TMEM184A: variants seen among roughly 807,000 people sequenced by gnomAD.
TMEM184A encodes sexually dimorphic, expressed in male gonads 1.
In TMEM184A, 40 loss-of-function variants were observed where a neutral mutation model predicts 39.5. The observed-to-expected ratio is 1.01, with a 90% CI of 0.79 to 1.32. The LOEUF (loss-of-function observed/expected upper bound fraction) is 1.32. Among genes scored for constraint, TMEM184A ranks in the 40% most tolerant of loss-of-function variants. The pLI, the probability that TMEM184A is intolerant of heterozygous loss-of-function variation, is 0.00. For synonymous variants in TMEM184A, 280 were observed against 252.3 expected, an observed-to-expected ratio of 1.11 and a Z score of -1.04; for missense variants, 603 against 568.8, an observed-to-expected ratio of 1.06 and a Z score of -0.61.
rs750616331 is a variant in TMEM184A, at chr7:1,551,030, T to C, written c.220-48A>G. The C allele has an allele frequency of 3.4e-6, 5 of 1,484,290 alleles. No individual in the cohort carries two copies. The South Asian group carries it at 4.8e-5, about 14-fold the overall frequency. The allele number at this position is 1,484,290 out of a possible 1,614,324, so 91.9% of individuals were successfully genotyped here. A position where few individuals can be genotyped will look rare whatever the true frequency, so the allele number is the denominator to read the frequency against. On this transcript the variant is annotated intron_variant, in intron 2 of 8. Transcript: ENST00000297477. ...GAGAGCCGGGCCCGCCTGGTACCCC[T>C]GGACCAGCCCAGGTGAGCCGGGAAG...
In TMEM184A at chr7:1,548,530, G is replaced by A. The variant is rs368421994; in HGVS notation, c.803C>T (p.Ser268Leu). 1.7e-5 allele frequency: 28 copies of A among 1,612,830 alleles called. No homozygotes were observed. The highest frequency in any genetic ancestry group is 2.1e-5 in the Non-Finnish European group (25 of 1,179,562). Residue 268 changes from serine (S) to leucine (L), a missense_variant, in exon 7 of 9, where the codon TCG (serine) becomes TTG (leucine). Physicochemically the swap from Ser to Leu is moderately radical, Grantham distance 145. Transcript: ENST00000297477. ...CCTGCCCCACACACCTTGCCAGAAC[G>A]ACAGGAAGATGACGGCTTTGATGGT... Reference protein sequence around the residue: ...FLTIKAVIFLSFWQGLLLAIL... With the variant: ...FLTIKAVIFLLFWQGLLLAIL...
At chr7:1,547,262 G>T (rs565498754) in intron 8 of TMEM184A, 81 bp from the exon 9 acceptor site, 5 of 805,140 alleles carry the variant, frequency 6.2e-6, no homozygotes, top group Admixed American at 2.5e-5. Flanking sequence ...GGATGCCCAG[G>T]GCTGTAGCTC....
At position 1,555,345 on chromosome 7, in the gene TMEM184A, CA is replaced by C. The variant is rs764379976; in HGVS notation, c.139del (p.Trp47GlyfsTer90). 1 of 1,610,402 alleles carries C rather than the reference CA, an allele frequency of 6.2e-7. No individual in the cohort carries two copies. The highest frequency in any genetic ancestry group is 8.5e-7 in the Non-Finnish European group (1 of 1,178,806). ...GGCCAGTGCGGAGGTGAGGAAGAGCCAGGGGGCCCCCTGGGAGCTGTTCCCC... is the reference window on the plus strand; with the variant it reads ...GGCCAGTGCGGAGGTGAGGAAGAGCCGGGGGCCCCCTGGGAGCTGTTCCCC... ...HMGNSSQGAP[W>X]LFLTSALARG... On this transcript the variant is annotated frameshift_variant, in exon 2 of 9. Coordinates refer to ENST00000297477, the MANE Select transcript of TMEM184A (RefSeq NM_001097620.2). LOFTEE classifies it high-confidence loss of function. The surrounding 1 kb of genome is among the most constrained non-coding windows in gnomAD (Gnocchi z 5.2).
intron 6 of TMEM184A, chr7:1,548,969 G>A (rs1784467174): frequency 3.3e-6 from 2 of 610,574 alleles, no homozygotes; most frequent in African/African-American, 3.6e-5. Context: ...CCACTGCTCA[G>A]GCAGCATCCA....
rs376195141 is a variant in TMEM184A at position 1,555,624 on chromosome 7, C to G, written c.1-140G>C. 1.4e-6 allele frequency: 1 copy of G among 699,218 alleles called. No homozygotes were observed. The allele number at this position is 699,218 out of a possible 1,614,324, so 43.3% of individuals were successfully genotyped here. A position where few individuals can be genotyped will look rare whatever the true frequency, so the allele number is the denominator to read the frequency against. On this transcript the variant is annotated intron_variant, in intron 1 of 8. Transcript: ENST00000297477. This position sits in a 1 kb window ranked among gnomAD's most constrained non-coding sequence, Gnocchi z 5.2. ...CACCCACCAGGCCGCACCCCCCACA[C>G]GGACACCAGCGCCAGGCCCGGCTCC...
Position 1,550,414 on chromosome 7 carries a change from G to A in TMEM184A, c.386-19C>T, listed in dbSNP as rs369268273. ...ACAAAGGCTGCAGGGAGCACAGAGGGGGACCGGCTGTGAGCCCTGAGCTGC... is the reference window on the plus strand; with the variant it reads ...ACAAAGGCTGCAGGGAGCACAGAGGAGGACCGGCTGTGAGCCCTGAGCTGC... On this transcript the variant is annotated intron_variant, in intron 3 of 8. Coordinates refer to ENST00000297477, the MANE Select transcript of TMEM184A (RefSeq NM_001097620.2). The A allele has an allele frequency of 8.1e-6, 13 of 1,599,386 alleles. No individual in the cohort carries two copies. In the African/African-American group the frequency reaches 1.3e-4, roughly 16 times the overall value.
In TMEM184A at chr7:1,555,179, G is replaced by T; in HGVS notation, c.219+87C>A. 1 of 1,141,862 alleles carries T rather than the reference G, an allele frequency of 8.8e-7. No homozygotes were observed. The highest frequency in any genetic ancestry group is 1.2e-6 in the Non-Finnish European group (1 of 818,778). 70.7% of individuals were successfully genotyped at this position (1,141,862 alleles called of 1,614,324 possible). ...CCCACTTCTGACAGCGTCTATAGCA[G>T]CGGCACCCAGGGGGACCGGGCTGAG... On this transcript the variant is annotated intron_variant, in intron 2 of 8. Transcript: ENST00000297477. This position sits in a 1 kb window ranked among gnomAD's most constrained non-coding sequence, Gnocchi z 5.2.
At chr7:1,548,027 C>G in intron 7 of TMEM184A, 88 bp from the exon 8 acceptor site, 1 of 1,418,540 alleles carries the variant, frequency 7.0e-7, no homozygotes, top group Non-Finnish European at 9.5e-7. Flanking sequence ...GCTCCTCTGA[C>G]GGGTGCTGTG....
Position 1,547,035 on chromosome 7 carries a change from T to G in TMEM184A, c.1159A>C (p.Thr387Pro), listed in dbSNP as rs766773408. 1 of 1,561,774 alleles carries G rather than the reference T, an allele frequency of 6.4e-7. No homozygotes were observed. Among genetic ancestry groups the G allele is most frequent in the Non-Finnish European group, 8.7e-7 (1 of 1,146,136 alleles). ...QATHEAPRPG[T>P]HPSGGSGGSR... ...CCGCCGGAGCCGCCGCTGGGGTGGG[T>G]GCCGGGCCTGGGCGCCTCGTGCGTG... Residue 387 changes from threonine to proline, a missense_variant, in exon 9 of 9, where the codon ACC (threonine) becomes CCC (proline). Physicochemically the swap from Thr to Pro is conservative, Grantham distance 38. Coordinates refer to ENST00000297477, the MANE Select transcript of TMEM184A (RefSeq NM_001097620.2).
Position 1,546,268 on chromosome 7 carries a change from C to T in TMEM184A, c.*684G>A, listed in dbSNP as rs1401360942. The T allele has an allele frequency of 1.3e-5, 2 of 152,680 alleles. No individual in the cohort carries two copies. Among genetic ancestry groups the T allele is most frequent in the African/African-American group, 2.4e-5 (1 of 41,460 alleles). The allele number at this position is 152,680 out of a possible 1,614,324, so 9.5% of individuals were successfully genotyped here. A position where few individuals can be genotyped will look rare whatever the true frequency, so the allele number is the denominator to read the frequency against. On this transcript the variant is annotated 3_prime_UTR_variant, in exon 9 of 9. Coordinates refer to ENST00000297477, the MANE Select transcript of TMEM184A (RefSeq NM_001097620.2). ...TTTAAATATAAATAAGAGCGATTCC[C>T]ACAGCCCCACGGTGCTGGCCAGCCT... is the stretch of plus-strand genomic sequence containing the variant.
rs567486187 is a variant in TMEM184A, at chr7:1,548,063, C to T, written c.815-124G>A. The T allele has an allele frequency of 2.6e-3, 2,868 of 1,100,478 alleles. 13 individuals are homozygous for T. Among genetic ancestry groups the T allele is most frequent in the Non-Finnish European group, 3.3e-3 (2,558 of 781,538 alleles). The allele number at this position is 1,100,478 out of a possible 1,614,324, so 68.2% of individuals were successfully genotyped here. On this transcript the variant is annotated intron_variant, in intron 7 of 8. Transcript: ENST00000297477. ...ACCCCGTCCGTGTAGTCTCGTCCCA[C>T]CCCAGGAGACTGAGGTTCAGGGGGG... is the stretch of plus-strand genomic sequence containing the variant.
Position 1,555,377 on chromosome 7 carries a change from G to T in TMEM184A, c.108C>A (p.Asp36Glu). The T allele has an allele frequency of 6.2e-7, 1 of 1,611,892 alleles. No homozygotes were observed. Among genetic ancestry groups the T allele is most frequent in the South Asian group, 1.1e-5 (1 of 91,008 alleles). ...PPAVPAGPQM[D>E]HMGNSSQGAP... is the part of the protein sequence containing the mutation. ...CCCCCTGGGAGCTGTTCCCCATGTG[G>T]TCCATCTGCGGCCCAGCTGGCACAG... Residue 36 changes from aspartate (D) to glutamate (E), a missense_variant, in exon 2 of 9, where the codon GAC (aspartate) becomes GAA (glutamate). Physicochemically the swap from Asp to Glu is conservative, Grantham distance 45 (BLOSUM62 2). Transcript: ENST00000297477. The surrounding 1 kb of genome is among the most constrained non-coding windows in gnomAD (Gnocchi z 5.2).
At position 1,548,579 on chromosome 7, in the gene TMEM184A, A is replaced by G. The variant is rs199700956; in HGVS notation, c.754T>C (p.Phe252Leu). 3.4e-5 allele frequency: 55 copies of G among 1,613,848 alleles called. No individual in the cohort carries two copies. In the Admixed American group the frequency reaches 8.7e-4, roughly 25 times the overall value. Reference sequence around the variant, plus strand: ...GTGAGGAACTTGAGGACGGGCTGGAAGGGCCGCAGGAGCTCCCTGGTGGTG... The same window carrying G: ...GTGAGGAACTTGAGGACGGGCTGGAGGGGCCGCAGGAGCTCCCTGGTGGTG... The part of the protein sequence containing the change: ...YFTTRELLRP[F>L]QPVLKFLTIK... The change falls in exon 7 of 9, where the codon TTC becomes CTC. Residue 252 changes from phenylalanine to leucine, a missense_variant. Transcript: ENST00000297477.
At chr7:1,554,839 C>T (rs1251496097) in intron 2 of TMEM184A, among the ~76,000 whole-genome samples, 1 of 152,178 alleles carries the variant, frequency 6.6e-6, no homozygotes, top group South Asian at 2.1e-4. Flanking sequence ...CCCTACAGAG[C>T]AAAGTCCAAC....
In TMEM184A at chr7:1,547,086, C is replaced by T. The variant is rs376573558; in HGVS notation, c.1108G>A (p.Ala370Thr). ...VQDAIHNFSPAYQHYTQQATH... is the reference protein window; with the variant it reads ...VQDAIHNFSPTYQHYTQQATH... ...GCCTGCTGCGTGTAGTGCTGGTAGG[C>T]GGGGGAGAAGTTGTGGATGGCGTCC... is the stretch of plus-strand genomic sequence containing the variant. The change falls in exon 9 of 9, where the codon GCC (alanine) becomes ACC (threonine). Residue 370 changes from alanine (A) to threonine (T), a missense_variant. Ala to Thr is a moderately conservative substitution (Grantham distance 58). Coordinates refer to ENST00000297477, the MANE Select transcript of TMEM184A (RefSeq NM_001097620.2). The T allele has an allele frequency of 4.6e-5, 74 of 1,610,120 alleles. No homozygotes were observed. The highest frequency in any genetic ancestry group is 5.6e-5 in the Non-Finnish European group (66 of 1,179,680).
chr7:1,547,637 C>T, intron 8 of TMEM184A, 105 bp downstream of exon 8: 1 of 1,261,504 alleles, frequency 7.9e-7, no homozygotes, highest in Non-Finnish European at 1.1e-6. Flanking sequence ...GTCTCCCTGC[C>T]CAGCGAGCTG....
chr7:1,553,413 A>G (rs376170183), intron 2 of TMEM184A, among the ~76,000 whole-genome samples: 8 of 152,260 alleles, frequency 5.3e-5, no homozygotes, highest in African/African-American at 1.9e-4. Flanking sequence ...TTGGCCTCCC[A>G]CAATGCTGGG....
chr7:1,551,204 C>T (rs13229227), intron 2 of TMEM184A, among the ~76,000 whole-genome samples: 1 of 81,288 alleles, frequency 1.2e-5, no homozygotes, highest in Admixed American at 1.5e-4. Context: ...GGAGGGTTCG[C>T]GTGAGAGCCG....
At position 1,550,489 on chromosome 7, in the gene TMEM184A, G is replaced by A. The variant is rs946328846; in HGVS notation, c.386-94C>T. On this transcript the variant is annotated intron_variant, in intron 3 of 8. Transcript: ENST00000297477. Reference sequence around the variant, plus strand: ...CACCAGGGCAGGAGGAGGCTCGGGAGGGGCTGAGCCCAGCAGGCCACACAG... The same window carrying A: ...CACCAGGGCAGGAGGAGGCTCGGGAAGGGCTGAGCCCAGCAGGCCACACAG... The A allele has an allele frequency of 1.0e-5, 11 of 1,062,876 alleles. 1 individual carries two copies. In the South Asian group the frequency reaches 1.6e-4, roughly 16 times the overall value. The allele number at this position is 1,062,876 out of a possible 1,614,324, so 65.8% of individuals were successfully genotyped here. A position where few individuals can be genotyped will look rare whatever the true frequency, so the allele number is the denominator to read the frequency against.
Sources: allele counts gnomAD v4.1 joint callset (sites outside exome capture counted in the v4.1 genomes callset), GRCh38; gene constraint gnomAD v4.1.1; non-coding constraint Gnocchi (gnomAD v3.1); transcripts MANE v1.5; gene names NCBI Gene and HGNC (gene_info 2026-07-23, HGNC 2026-07-21).